The following INTS6 variants were observed in gnomAD, a reference collection of about 807,000 sequenced individuals.
INTS6 encodes the protein integrator complex subunit 6.
In INTS6, 16 loss-of-function variants were observed where a neutral mutation model predicts 104.9. The ratio of observed to expected loss-of-function variants is 0.15; its 90% confidence interval spans 0.10 to 0.23. The LOEUF is 0.23. Among genes scored for constraint, INTS6 ranks in the 10% least tolerant of loss-of-function variants. INTS6 has a pLI of 1.00. For synonymous variants in INTS6, 324 were observed against 358.7 expected (o/e 0.90, Z 1.09); for missense variants, 584 against 1,062.8 (o/e 0.55, Z 6.26).
intron 9 of INTS6, among the ~76,000 whole-genome samples, chr13:51,382,629 T>A (rs1394255615): frequency 6.6e-6 from 1 of 152,200 alleles, no homozygotes; most frequent in African/African-American, 2.4e-5. Flanking sequence ...AATTAAAGTG[T>A]AGATAAATTC....
chr13:51,391,239 A>T (rs559944599), intron 5 of INTS6, among the ~76,000 whole-genome samples: 19 of 152,270 alleles, frequency 1.2e-4, no homozygotes, highest in African/African-American at 3.8e-4. Flanking sequence ...CATGAAATTT[A>T]AGCATATTCC....
At chr13:51,372,303 C>T (rs566459101) in intron 15 of INTS6, among the ~76,000 whole-genome samples, 4 of 142,268 alleles carry the variant, frequency 2.8e-5, no homozygotes, top group African/African-American at 1.1e-4. Flanking sequence ...CTTGATTGAA[C>T]AGTTTTTTTT....
Position 51,370,384 on chromosome 13 carries a change from T to C in INTS6, c.2105-1074A>G, listed in dbSNP as rs148501992. Among the ~76,000 whole-genome samples the C allele has an allele frequency of 7.0e-4, 107 of 152,282 alleles. 1 individual carries two copies. Among genetic ancestry groups the C allele is most frequent in the African/African-American group, 2.5e-3 (104 of 41,564 alleles). On this transcript the variant is annotated intron_variant, in intron 15 of 17. Coordinates refer to ENST00000311234, the MANE Select transcript of INTS6 (RefSeq NM_012141.3). ...CCATGCCATTCACGCTGTCTCTCCT[T>C]ATCACTATCTTAGGCCAATCTCCAG... is the stretch of plus-strand genomic sequence containing the variant.
intron 3 of INTS6, chr13:51,446,561 TC>T (rs1022524900): frequency 4.6e-5 from 7 of 152,180 alleles, no homozygotes; most frequent in African/African-American, 1.7e-4. Flanking sequence ...AGGGTATATA[TC>T]CAAAAGAACT....
In INTS6 at chr13:51,362,332, T is replaced by C. The variant is rs1307183493; in HGVS notation, c.*3420A>G. Reference sequence around the variant, plus strand: ...TAGTATTCTAATGAATGCACCTGGATTTCTATACTGTTCTGTTGATCTTTC... The same window carrying C: ...TAGTATTCTAATGAATGCACCTGGACTTCTATACTGTTCTGTTGATCTTTC... On this transcript the variant is annotated 3_prime_UTR_variant, in exon 18 of 18. Transcript: ENST00000311234. The C allele has an allele frequency of 1.9e-5, 4 of 206,140 alleles. No homozygotes were observed. Among genetic ancestry groups the C allele is most frequent in the Non-Finnish European group, 3.8e-5 (4 of 105,466 alleles). 12.8% of individuals were successfully genotyped at this position (206,140 alleles called of 1,614,324 possible).
intron 4 of INTS6, among the ~76,000 whole-genome samples, chr13:51,399,302 A>C (rs1380197058): frequency 6.6e-6 from 1 of 152,028 alleles, no homozygotes; most frequent in African/African-American, 2.4e-5. Context: ...AAACTCCTAG[A>C]CTCAAGAGAT....
intron 7 of INTS6, among the ~76,000 whole-genome samples, chr13:51,385,906 C>T (rs571954638): frequency 2.0e-5 from 3 of 152,132 alleles, no homozygotes; most frequent in Non-Finnish European, 4.4e-5. Context: ...CTGCATATAA[C>T]CACCACCAAA....
At chr13:51,443,540 A>G (rs1952836543) in intron 3 of INTS6, 1 of 152,202 alleles carries the variant, frequency 6.6e-6, no homozygotes, top group African/African-American at 2.4e-5. Context: ...GTAAGACTAA[A>G]CAAAAATAAA....
chr13:51,381,464 T>C (rs1238551219), intron 10 of INTS6, among the ~76,000 whole-genome samples: 1 of 151,418 alleles, frequency 6.6e-6, no homozygotes, highest in African/African-American at 2.5e-5. Context: ...AGGGTAACTG[T>C]ATAAATTAAT....
intron 17 of INTS6, among the ~76,000 whole-genome samples, chr13:51,367,016 GTGATCCCTCGGTA>G (rs1955705702): frequency 6.6e-6 from 1 of 151,912 alleles, no homozygotes; most frequent in Non-Finnish European, 1.5e-5. Context: ...TCTTTACACA[GTGATCCCTCGGTA>G]TGGATGGGGG....
rs545935037 is a variant in INTS6, at chr13:51,449,968, T to G, written c.339+1057A>C. On this transcript the variant is annotated intron_variant, in intron 3 of 17. Coordinates refer to ENST00000311234, the MANE Select transcript of INTS6 (RefSeq NM_012141.3). Reference sequence around the variant, plus strand: ...TAAATTCAGTTATTTCCAAAGACACTTAAGCACTGAAGTTATCCCTAAGAA... The same window carrying G: ...TAAATTCAGTTATTTCCAAAGACACGTAAGCACTGAAGTTATCCCTAAGAA... The G allele has an allele frequency of 2.3e-5, 23 of 985,370 alleles. No individual in the cohort carries two copies. The South Asian group carries it at 8.5e-4, about 36-fold the overall frequency. 61.0% of individuals were successfully genotyped at this position (985,370 alleles called of 1,614,324 possible).
At chr13:51,441,808 C>T (rs1952802192) in intron 3 of INTS6, 2 of 146,242 alleles carry the variant, frequency 1.4e-5, no homozygotes, top group South Asian at 2.1e-4. Context: ...CGTCCCCAGG[C>T]CTCCCCACCT....
rs1953092228 is a variant in INTS6 at position 51,452,740 on chromosome 13, G to A, written c.-215C>T. Reference sequence around the variant, plus strand: ...ACCCAGTGCTCCCCGTCGTACCCCCGCCTCCGCCTCCTCCTGCCTGCCTGC... The same window carrying A: ...ACCCAGTGCTCCCCGTCGTACCCCCACCTCCGCCTCCTCCTGCCTGCCTGC... On this transcript the variant is annotated 5_prime_UTR_variant, in exon 1 of 18. Coordinates refer to ENST00000311234, the MANE Select transcript of INTS6 (RefSeq NM_012141.3). The surrounding 1 kb of genome is among the most constrained non-coding windows in gnomAD (Gnocchi z 4.2). The A allele has an allele frequency of 3.2e-6, 4 of 1,233,992 alleles. No homozygotes were observed. In the South Asian group the frequency reaches 5.5e-5, roughly 17 times the overall value. 76.4% of individuals were successfully genotyped at this position (1,233,992 alleles called of 1,614,324 possible).
At chr13:51,423,016 G>C (rs540445733) in intron 4 of INTS6, 1 of 1,239,810 alleles carries the variant, frequency 8.1e-7, no homozygotes, top group African/African-American at 1.6e-5. Flanking sequence ...TATTACAAAT[G>C]TTTATTTACT....
At chr13:51,361,384 A>C, downstream of INTS6, 2 of 1,444,656 alleles carry the variant, frequency 1.4e-6, no homozygotes, top group East Asian at 4.6e-5. Flanking sequence ...GAGAATACCC[A>C]GTCACACTGC....
rs146698854 is a variant in INTS6, at chr13:51,366,299, G to A, written c.2571-454C>T. ...TCTCCCACAAAATGGAAGAAGAAAT[G>A]AAAATTGGTCAGCAGCATTTAAAAA... On this transcript the variant is annotated intron_variant, in intron 17 of 17. Transcript: ENST00000311234. 4.5e-4 allele frequency among the ~76,000 whole-genome samples: 68 copies of A among 152,042 alleles called. 1 individual carries two copies. In the Middle Eastern group the frequency reaches 0.01, roughly 23 times the overall value.
At chr13:51,446,286 G>A (rs1952915188) in intron 3 of INTS6, 1 of 152,120 alleles carries the variant, frequency 6.6e-6, no homozygotes, top group Non-Finnish European at 1.5e-5. Context: ...GTGTACAAAT[G>A]GCCAACAAGC....
intron 10 of INTS6, 31 bp from the exon 11 acceptor site, chr13:51,379,603 T>G: frequency 7.9e-7 from 1 of 1,268,176 alleles, no homozygotes; most frequent in Non-Finnish European, 1.1e-6. Context: ...TCATTCAATA[T>G]TAAGCTTATT....
At chr13:51,374,876 C>T in intron 13 of INTS6, 80 bp from the exon 14 acceptor site, 1 of 1,422,384 alleles carries the variant, frequency 7.0e-7, no homozygotes, top group Non-Finnish European at 9.7e-7. Context: ...ATGAATGCTA[C>T]CTAGTGTTAT....
Sources: gnomAD v4.1 joint callset for allele counts (sites outside exome capture counted in the v4.1 genomes callset) on GRCh38, gnomAD v4.1.1 for gene constraint, Gnocchi (gnomAD v3.1) non-coding constraint, MANE v1.5 for transcripts, NCBI Gene and HGNC (gene_info 2026-07-23, HGNC 2026-07-21) for gene names.